Variants in RIN3 observed in about 807,000 individuals in gnomAD.
The protein encoded by RIN3 is Ras and Rab interactor 3.
A neutral mutation model predicts 76.3 loss-of-function variants in RIN3; 54 were observed. That is an observed-to-expected ratio of 0.71 (90% CI 0.57 to 0.89). RIN3 has a LOEUF of 0.89. Ranked by LOEUF, RIN3 falls within the 40% of genes least tolerant of loss-of-function variation. The pLI, the probability that RIN3 is intolerant of heterozygous loss-of-function variation, is 0.00. For synonymous variants in RIN3, 576 were observed against 564.0 expected (o/e 1.02, Z -0.30); for missense variants, 1,256 against 1,322.1 (o/e 0.95, Z 0.78).
intron 2 of RIN3, 48 bp from the exon 3 acceptor site, chr14:92,577,312 C>A: frequency 7.3e-7 from 1 of 1,375,252 alleles, no homozygotes; most frequent in Non-Finnish European, 1.0e-6. Flanking sequence ...TCCTCACCTT[C>A]ACCCAAATCT....
chr14:92,552,093 G>A (rs560068275), intron 1 of RIN3, among the ~76,000 whole-genome samples: 1 of 152,320 alleles, frequency 6.6e-6, no homozygotes, highest in Admixed American at 6.5e-5. Flanking sequence ...GGGGTTGAGG[G>A]GCAGAGGCCC....
At position 92,688,114 on chromosome 14, in the gene RIN3, G is replaced by A; in HGVS notation, c.2820G>A (p.Pro940=). ...RCFQLADDAL[P]HCIKGYLLRS... is the part of the protein sequence containing the mutation. ...TCCAGCTGGCGGACGACGCGCTGCC[G>A]CACTGCATCAAGGGCTACCTGCTGC... Residue 940 remains proline, a synonymous_variant, in exon 10 of 10, where the codon CCG becomes CCA. Coordinates refer to ENST00000216487, the MANE Select transcript of RIN3 (RefSeq NM_024832.5). 2 of 1,608,814 alleles carry A rather than the reference G, an allele frequency of 1.2e-6. No individual in the cohort carries two copies. Among genetic ancestry groups the A allele is most frequent in the African/African-American group, 1.3e-5 (1 of 74,986 alleles).
At chr14:92,559,851 G>C (rs889705290) in intron 2 of RIN3, among the ~76,000 whole-genome samples, 1 of 152,156 alleles carries the variant, frequency 6.6e-6, no homozygotes, top group African/African-American at 2.4e-5. Flanking sequence ...GGAGGGAATA[G>C]AGCCTACCGG....
At chr14:92,563,919 A>C (rs1897848993) in intron 2 of RIN3, among the ~76,000 whole-genome samples, 1 of 152,158 alleles carries the variant, frequency 6.6e-6, no homozygotes, top group Non-Finnish European at 1.5e-5. Flanking sequence ...AAACACACAC[A>C]CACATACCCC....
chr14:92,558,620 T>C (rs962068272), intron 2 of RIN3, among the ~76,000 whole-genome samples: 2 of 152,146 alleles, frequency 1.3e-5, no homozygotes, highest in Non-Finnish European at 2.9e-5. Flanking sequence ...GAAGCACCAG[T>C]AGGGGAACCA....
At position 92,644,265 on chromosome 14, in the gene RIN3, T is replaced by A. The variant is rs986297320; in HGVS notation, c.532+2936T>A. Among the ~76,000 whole-genome samples the A allele has an allele frequency of 2.6e-5, 4 of 152,302 alleles. No homozygotes were observed. In the East Asian group the frequency reaches 7.7e-4, roughly 29 times the overall value. On this transcript the variant is annotated intron_variant, in intron 5 of 9. Coordinates refer to ENST00000216487, the MANE Select transcript of RIN3 (RefSeq NM_024832.5). ...ATGTTGGTAGAGTAAGTGAGATGCA[T>A]GGCCTCAGTCTATGACACATTGCTG... is the stretch of plus-strand genomic sequence containing the variant.
chr14:92,687,070 G>GGCAGCCCCGCGCGCAGCCTCTCTGCCT (rs1888886896), intron 9 of RIN3: 1 of 152,336 alleles, frequency 6.6e-6, no homozygotes, highest in African/African-American at 2.4e-5. Flanking sequence ...GCCACAAGGG[G>GGCAGCCCCGCGCGCAGCCTCTCTGCCT]GCAGCCCCGC....
intron 1 of RIN3, among the ~76,000 whole-genome samples, chr14:92,517,230 G>C (rs1265336818): frequency 6.6e-6 from 1 of 152,198 alleles, no homozygotes; most frequent in Non-Finnish European, 1.5e-5. Context: ...AAAGTGTGGT[G>C]GAGGGGCTTG....
At position 92,568,085 on chromosome 14, in the gene RIN3, G is replaced by A. The variant is rs1244379219; in HGVS notation, c.250-9275G>A. The stretch of plus-strand genomic sequence containing the variant: ...AGTAACTTGCCCACGGCTGGTGAGG[G>A]GCAGAGGTAGTATTTGTGTTTCACT... On this transcript the variant is annotated intron_variant, in intron 2 of 9. Transcript: ENST00000216487. The surrounding 1 kb of genome is among the most constrained non-coding windows in gnomAD (Gnocchi z 4.2). 6.6e-6 allele frequency among the ~76,000 whole-genome samples: 1 copy of A among 152,138 alleles called. No individual in the cohort carries two copies. Among genetic ancestry groups the A allele is most frequent in the Non-Finnish European group, 1.5e-5 (1 of 68,032 alleles).
At chr14:92,589,909 A>C (rs1318134436) in intron 3 of RIN3, among the ~76,000 whole-genome samples, 1 of 152,240 alleles carries the variant, frequency 6.6e-6, no homozygotes, top group East Asian at 1.9e-4. Flanking sequence ...TCTGTCATAA[A>C]GGTGGGGTCA....
rs1368671803 is a variant in RIN3, at chr14:92,568,235, C to T, written c.250-9125C>T. ...TCTGGGTGGTCCTTCGGCTCCCCATCCCACCATGTACTCACTTGTAACAGC... is the reference window on the plus strand; with the variant it reads ...TCTGGGTGGTCCTTCGGCTCCCCATTCCACCATGTACTCACTTGTAACAGC... On this transcript the variant is annotated intron_variant, in intron 2 of 9. Coordinates refer to ENST00000216487, the MANE Select transcript of RIN3 (RefSeq NM_024832.5). The surrounding 1 kb of genome is among the most constrained non-coding windows in gnomAD (Gnocchi z 4.2). Among the ~76,000 whole-genome samples the T allele has an allele frequency of 6.6e-6, 1 of 152,116 alleles. No homozygotes were observed. Among genetic ancestry groups the T allele is most frequent in the Non-Finnish European group, 1.5e-5 (1 of 68,028 alleles).
chr14:92,576,683 T>C (rs917675138), intron 2 of RIN3, among the ~76,000 whole-genome samples: 1 of 152,214 alleles, frequency 6.6e-6, no homozygotes, highest in Non-Finnish European at 1.5e-5. Flanking sequence ...GGGGACGTCC[T>C]GTTATAATCA....
chr14:92,654,991 C>G (rs1161996337), intron 6 of RIN3, among the ~76,000 whole-genome samples: 3 of 151,864 alleles, frequency 2.0e-5, no homozygotes, highest in Non-Finnish European at 4.4e-5. Flanking sequence ...ATGGTGAAAC[C>G]CCATCTCTAC....
intron 3 of RIN3, among the ~76,000 whole-genome samples, chr14:92,612,827 T>C (rs1438350913): frequency 6.6e-6 from 1 of 152,266 alleles, no homozygotes; most frequent in Non-Finnish European, 1.5e-5. Context: ...CCTCTGCGTC[T>C]AGCGTCGTGT....
chr14:92,527,928 G>C (rs1040905557), intron 1 of RIN3, among the ~76,000 whole-genome samples: 1 of 152,128 alleles, frequency 6.6e-6, no homozygotes, highest in Non-Finnish European at 1.5e-5. Context: ...CCAGTTTGGG[G>C]CGATGACAAA....
At chr14:92,586,026 T>G (rs1422239562) in intron 3 of RIN3, among the ~76,000 whole-genome samples, 1 of 152,222 alleles carries the variant, frequency 6.6e-6, no homozygotes, top group Non-Finnish European at 1.5e-5. Flanking sequence ...TCTGTCACCT[T>G]GTGACATCAG....
intron 6 of RIN3, among the ~76,000 whole-genome samples, chr14:92,654,930 G>C (rs915794292): frequency 2.0e-5 from 3 of 152,106 alleles, no homozygotes; most frequent in Non-Finnish European, 4.4e-5. Flanking sequence ...CAGCACGTTG[G>C]GGGGCAGGTG....
At chr14:92,678,468 TCCACCCAC>T (rs142902678) in intron 8 of RIN3, among the ~76,000 whole-genome samples, 4 of 49,460 alleles carry the variant, frequency 8.1e-5, no homozygotes, top group African/African-American at 2.6e-4. Flanking sequence ...CACCTACCCA[TCCACCCAC>T]CCACCCACCC....
At chr14:92,661,758 C>CAAAAA (rs56180273) in intron 7 of RIN3, among the ~76,000 whole-genome samples, 5 of 133,240 alleles carry the variant, frequency 3.8e-5, no homozygotes, top group Non-Finnish European at 4.6e-5. Flanking sequence ...CACACACACA[C>CAAAAA]AAAAAATAGA....
Sources: allele counts gnomAD v4.1 joint callset (sites outside exome capture counted in the v4.1 genomes callset), GRCh38; gene constraint gnomAD v4.1.1; non-coding constraint Gnocchi (gnomAD v3.1); transcripts MANE v1.5; gene names NCBI Gene and HGNC (gene_info 2026-07-23, HGNC 2026-07-21).